The following ATP2C1 variants were observed in gnomAD, a reference collection of about 807,000 sequenced individuals.
ATP2C1 encodes calcium-transporting ATPase type 2C member 1.
In ATP2C1, 31 loss-of-function variants were observed where a neutral mutation model predicts 120.5. The ratio of observed to expected loss-of-function variants is 0.26; its 90% CI spans 0.19 to 0.35. The LOEUF (loss-of-function observed/expected upper bound fraction) is 0.35. ATP2C1 is among the 10% of genes least tolerant of loss of function. The pLI is 1.00. For missense variants in ATP2C1, 731 were observed against 1,107.5 expected (o/e 0.66, Z 4.83); for synonymous variants, 351 against 358.7 (o/e 0.98, Z 0.24).
intron 7 of ATP2C1, 129 bp from the exon 8 acceptor site, chr3:130,941,462 T>C (rs1283495544): frequency 6.9e-6 from 5 of 729,300 alleles, no homozygotes; most frequent in East Asian, 2.7e-5. Flanking sequence ...CTTAAGTGTT[T>C]AGAAACAGTC....
intron 1 of ATP2C1, among the ~76,000 whole-genome samples, chr3:130,872,072 A>G (rs989015977): frequency 3.3e-5 from 5 of 152,056 alleles, no homozygotes; most frequent in African/African-American, 1.2e-4. Flanking sequence ...CCCTAAGAAT[A>G]TAATCTAAAA....
Position 130,975,448 on chromosome 3 carries a change from CCAA to C in ATP2C1, c.1534_1536del (p.Gln512del). On this transcript the variant is annotated inframe_deletion, in exon 18 of 28. Transcript: ENST00000510168. ...TTACTCAGCAGCAGAGAGATGTGTACCAACAAGAGAAGGCACGCATGGGCTCAG... is the reference window on the plus strand; with the variant it reads ...TTACTCAGCAGCAGAGAGATGTGTACCAAGAGAAGGCACGCATGGGCTCAG... The C allele has an allele frequency of 6.2e-7, 1 of 1,613,806 alleles. No homozygotes were observed. Among genetic ancestry groups the C allele is most frequent in the Non-Finnish European group, 8.5e-7 (1 of 1,179,862 alleles).
At chr3:130,990,562 A>G (rs1469070048) in intron 20 of ATP2C1, among the ~76,000 whole-genome samples, 1 of 152,098 alleles carries the variant, frequency 6.6e-6, no homozygotes, top group African/African-American at 2.4e-5. Flanking sequence ...ATAATAAAGG[A>G]CTTAGGCATT....
At chr3:130,926,727 C>T (rs1365461296) in intron 2 of ATP2C1, among the ~76,000 whole-genome samples, 4 of 152,266 alleles carry the variant, frequency 2.6e-5, no homozygotes, top group African/African-American at 7.2e-5. Context: ...TACCAGGTCT[C>T]TCAGCCCTTG....
chr3:130,982,312 A>G (rs1244238418), intron 20 of ATP2C1, among the ~76,000 whole-genome samples: 1 of 152,214 alleles, frequency 6.6e-6, no homozygotes, highest in Non-Finnish European at 1.5e-5. Context: ...TTTTGATTAT[A>G]ATGCTTTTCT....
intron 2 of ATP2C1, among the ~76,000 whole-genome samples, chr3:130,912,621 G>T (rs1432950040): frequency 7.1e-6 from 1 of 140,544 alleles, no homozygotes; most frequent in Non-Finnish European, 1.5e-5. Flanking sequence ...TGGAGAGGAT[G>T]TGGAGAAATA....
chr3:130,853,010 A>G (rs1054704525), intron 1 of ATP2C1, among the ~76,000 whole-genome samples: 6 of 152,140 alleles, frequency 3.9e-5, no homozygotes, highest in Non-Finnish European at 8.8e-5. Flanking sequence ...AAAATTTCCT[A>G]TATTCACATA....
intron 1 of ATP2C1, chr3:130,850,944 T>C (rs1374050098): frequency 3.1e-6 from 4 of 1,284,518 alleles, no homozygotes; most frequent in South Asian, 4.2e-5. Flanking sequence ...ATTTTGTTTA[T>C]ATTATCTTTA....
rs1187253385 is a variant in ATP2C1, at chr3:130,964,109, AAG to A, written c.1024+17_1024+18del. 6.8e-6 allele frequency: 11 copies of A among 1,611,820 alleles called. No homozygotes were observed. Among genetic ancestry groups the A allele is most frequent in the Admixed American group, 6.7e-5 (4 of 59,910 alleles). On this transcript the variant is annotated intron_variant, in intron 13 of 27. Transcript: ENST00000510168. ...TTGAAACTCTGGGTAAGTCTGTGTT[AAG>A]AGCATTCTTATGCAATGATGCGTAA... is the stretch of plus-strand genomic sequence containing the variant.
intron 8 of ATP2C1, among the ~76,000 whole-genome samples, chr3:130,942,127 C>T (rs2059948158): frequency 6.6e-6 from 1 of 152,214 alleles, no homozygotes; most frequent in Non-Finnish European, 1.5e-5. Flanking sequence ...CCTCAGACCA[C>T]ATGGCTTTGG....
intron 5 of ATP2C1, among the ~76,000 whole-genome samples, chr3:130,935,128 C>T (rs2108388129): frequency 6.6e-6 from 1 of 152,270 alleles, no homozygotes; most frequent in Admixed American, 6.5e-5. Flanking sequence ...GCCACTGTGC[C>T]TGGCTCAAAT....
chr3:130,951,762 T>G (rs1298505217), intron 8 of ATP2C1, among the ~76,000 whole-genome samples: 1 of 152,176 alleles, frequency 6.6e-6, no homozygotes, highest in African/African-American at 2.4e-5. Context: ...GCAAAATCCT[T>G]TAAAGTCTAA....
At chr3:131,008,334 C>G (rs1383776854) in intron 26 of ATP2C1, among the ~76,000 whole-genome samples, 1 of 150,564 alleles carries the variant, frequency 6.6e-6, no homozygotes, top group Non-Finnish European at 1.5e-5. Flanking sequence ...GGCTGAGAAC[C>G]AGAACTGCTT....
chr3:130,877,807 T>A (rs1422861571), intron 1 of ATP2C1, among the ~76,000 whole-genome samples: 12 of 152,196 alleles, frequency 7.9e-5, no homozygotes, highest in African/African-American at 2.9e-4. Flanking sequence ...CAAAGGATTA[T>A]AAATCATGCT....
intron 8 of ATP2C1, among the ~76,000 whole-genome samples, chr3:130,951,913 T>C (rs1365840370): frequency 2.6e-5 from 4 of 152,198 alleles, no homozygotes; most frequent in Non-Finnish European, 4.4e-5. Context: ...ATTTTCATGA[T>C]GAATATTTTA....
intron 2 of ATP2C1, among the ~76,000 whole-genome samples, chr3:130,895,504 AT>A (rs960053306): frequency 1.2e-4 from 19 of 152,030 alleles, no homozygotes; most frequent in East Asian, 3.9e-4. Flanking sequence ...TGAATAAGTG[AT>A]TTTTTTTCCC....
At chr3:130,933,398 A>C (rs1044670898) in intron 4 of ATP2C1, among the ~76,000 whole-genome samples, 5 of 152,172 alleles carry the variant, frequency 3.3e-5, no homozygotes, top group African/African-American at 1.2e-4. Flanking sequence ...AACATTTTTA[A>C]GAACTTTTTT....
chr3:130,997,587 T>G lies in ATP2C1; in HGVS notation c.2244-19T>G. On this transcript the variant is annotated intron_variant, in intron 24 of 27. Coordinates refer to ENST00000510168, the MANE Select transcript of ATP2C1 (RefSeq NM_001378687.1). The stretch of plus-strand genomic sequence containing the variant: ...ACCTTAAAACTTGAAAGTAATTTAT[T>G]TTTCTGTTTGTTTTTAAGCCTTGGA... 6.2e-7 allele frequency: 1 copy of G among 1,610,902 alleles called. No homozygotes were observed. The highest frequency in any genetic ancestry group is 8.5e-7 in the Non-Finnish European group (1 of 1,178,516).
At chr3:130,973,961 A>G (rs1181854014) in intron 17 of ATP2C1, among the ~76,000 whole-genome samples, 1 of 152,212 alleles carries the variant, frequency 6.6e-6, no homozygotes, top group Non-Finnish European at 1.5e-5. Context: ...CTTAAAATTC[A>G]GTGAGGATAG....
Sources: gnomAD v4.1 joint callset for allele counts (sites outside exome capture counted in the v4.1 genomes callset) on GRCh38, gnomAD v4.1.1 for gene constraint, MANE v1.5 for transcripts, NCBI Gene and HGNC (gene_info 2026-07-23, HGNC 2026-07-21) for gene names.